Variants in BTBD9 observed in about 807,000 individuals in gnomAD.
BTBD9 encodes BTB domain containing 9.
BTBD9 carries 49 observed loss-of-function variants against 64.3 expected under a neutral mutation model. The observed-to-expected ratio is 0.76, with a 90% CI of 0.61 to 0.97. The LOEUF (loss-of-function observed/expected upper bound fraction) is 0.97. Ranked by LOEUF, BTBD9 falls within the 50% of genes least tolerant of loss-of-function variation. BTBD9 has a pLI of 0.00. For synonymous variants in BTBD9, 260 were observed against 274.7 expected, an observed-to-expected ratio of 0.95 and a Z score of 0.53; for missense variants, 598 against 762.1, an observed-to-expected ratio of 0.78 and a Z score of 2.53.
chr6:38,270,422 A>G (rs1480176010), intron 8 of BTBD9, among the ~76,000 whole-genome samples: 1 of 151,944 alleles, frequency 6.6e-6, no homozygotes, highest in East Asian at 1.9e-4. Context: ...ACAAGCCAGG[A>G]AAGAAATCAT....
chr6:38,219,261 A>G (rs1582068692), intron 9 of BTBD9, among the ~76,000 whole-genome samples: 1 of 148,436 alleles, frequency 6.7e-6, no homozygotes, highest in African/African-American at 2.5e-5. Context: ...CAGCCTCCTG[A>G]GTAGCTGGAA....
intron 7 of BTBD9, among the ~76,000 whole-genome samples, chr6:38,334,626 A>G (rs889516550): frequency 7.8e-6 from 1 of 128,522 alleles, no homozygotes; most frequent in African/African-American, 4.2e-5. Flanking sequence ...ATAACATAAC[A>G]TAAAATAAAT....
At chr6:38,452,167 C>G (rs1458348436) in intron 6 of BTBD9, among the ~76,000 whole-genome samples, 1 of 152,082 alleles carries the variant, frequency 6.6e-6, no homozygotes, top group Admixed American at 6.5e-5. Flanking sequence ...ATTTTACAAA[C>G]TGTGGTTAAT....
At chr6:38,275,184 T>A (rs1384581860) in intron 8 of BTBD9, among the ~76,000 whole-genome samples, 1 of 152,036 alleles carries the variant, frequency 6.6e-6, no homozygotes, top group Non-Finnish European at 1.5e-5. Flanking sequence ...AGCCCTCAGA[T>A]ATAACGCCAC....
At chr6:38,425,192 G>A (rs991160901) in intron 6 of BTBD9, among the ~76,000 whole-genome samples, 9 of 146,646 alleles carry the variant, frequency 6.1e-5, no homozygotes, top group East Asian at 2.1e-4. Flanking sequence ...AGCAACCTCC[G>A]CCTCCCAAGT....
At chr6:38,529,916 C>T (rs958937545) in intron 6 of BTBD9, among the ~76,000 whole-genome samples, 4 of 151,512 alleles carry the variant, frequency 2.6e-5, no homozygotes, top group South Asian at 2.1e-4. Context: ...TGACTGCCTG[C>T]GGGGTCAGGC....
intron 6 of BTBD9, among the ~76,000 whole-genome samples, chr6:38,355,461 C>G (rs1764689167): frequency 6.6e-6 from 1 of 152,068 alleles, no homozygotes; most frequent in Non-Finnish European, 1.5e-5. Context: ...TTTTACCATT[C>G]ATGACCTAGA....
At chr6:38,607,643 G>T (rs886885420) in intron 1 of BTBD9, among the ~76,000 whole-genome samples, 3 of 149,970 alleles carry the variant, frequency 2.0e-5, no homozygotes, top group African/African-American at 4.8e-5. Flanking sequence ...CATCTTTTGA[G>T]AAGTGTTCTT....
chr6:38,347,346 GATA>G (rs1439229004), intron 6 of BTBD9, among the ~76,000 whole-genome samples: 7 of 152,144 alleles, frequency 4.6e-5, no homozygotes, highest in Admixed American at 6.5e-5. Context: ...TGTAAATGAA[GATA>G]ATGTTATCTC....
At chr6:38,210,272 A>G (rs1279313774) in intron 9 of BTBD9, among the ~76,000 whole-genome samples, 1 of 151,882 alleles carries the variant, frequency 6.6e-6, no homozygotes, top group Non-Finnish European at 1.5e-5. Context: ...CGATAATAGC[A>G]CGAACATAAT....
chr6:38,493,156 C>T (rs1309709972), intron 6 of BTBD9, among the ~76,000 whole-genome samples: 3 of 152,142 alleles, frequency 2.0e-5, no homozygotes, highest in Non-Finnish European at 4.4e-5. Context: ...AAAAACGTTC[C>T]TTTCTCTGAA....
chr6:38,524,541 T>C (rs1332991548), intron 6 of BTBD9, among the ~76,000 whole-genome samples: 1 of 152,178 alleles, frequency 6.6e-6, no homozygotes. Context: ...TTGTCCCTTA[T>C]AGAACATGAT....
intron 9 of BTBD9, among the ~76,000 whole-genome samples, chr6:38,215,646 T>G (rs1762988599): frequency 6.6e-6 from 1 of 152,220 alleles, no homozygotes; most frequent in Non-Finnish European, 1.5e-5. Flanking sequence ...AAGTAGATTT[T>G]CCTAAAGTTA....
chr6:38,264,900 A>G lies in BTBD9; in HGVS notation c.1455-8384T>C, dbSNP rs539461654. ...GAGGCCTGCCTCTGAATGGGCCACG[A>G]CCTTTCAGGGCAAAGGGAACACCAG... is the stretch of plus-strand genomic sequence containing the variant. On this transcript the variant is annotated intron_variant, in intron 8 of 10. Transcript: ENST00000481247. Among the ~76,000 whole-genome samples the G allele has an allele frequency of 3.3e-5, 5 of 152,254 alleles. No homozygotes were observed. In the South Asian group the frequency reaches 1.0e-3, roughly 32 times the overall value.
intron 4 of BTBD9, among the ~76,000 whole-genome samples, chr6:38,584,334 A>T (rs1324569142): frequency 6.6e-6 from 1 of 152,224 alleles, no homozygotes; most frequent in Admixed American, 6.5e-5. Context: ...TCTTGAAAAA[A>T]CAAGGTGATA....
chr6:38,266,939 G>A (rs748595719), intron 8 of BTBD9, among the ~76,000 whole-genome samples: 10 of 152,176 alleles, frequency 6.6e-5, no homozygotes, highest in Admixed American at 2.0e-4. Flanking sequence ...CAGCTTTTAC[G>A]GATCTTCCCC....
At chr6:38,276,831 T>C (rs1159197521) in intron 8 of BTBD9, among the ~76,000 whole-genome samples, 2 of 152,176 alleles carry the variant, frequency 1.3e-5, no homozygotes, top group African/African-American at 4.8e-5. Context: ...CTCCAGATCT[T>C]AAAGACTGAA....
chr6:38,317,461 T>C (rs1420375760), intron 7 of BTBD9, among the ~76,000 whole-genome samples: 2 of 152,190 alleles, frequency 1.3e-5, no homozygotes, highest in Non-Finnish European at 2.9e-5. Flanking sequence ...AATTTGATTA[T>C]TAAATGCCTT....
At chr6:38,427,530 C>T (rs1388327580) in intron 6 of BTBD9, among the ~76,000 whole-genome samples, 1 of 151,878 alleles carries the variant, frequency 6.6e-6, no homozygotes, top group African/African-American at 2.4e-5. Context: ...AGAAAAGATG[C>T]CTCCCTAGAA....
Sources: allele counts gnomAD v4.1 joint callset (sites outside exome capture counted in the v4.1 genomes callset), GRCh38; gene constraint gnomAD v4.1.1; transcripts MANE v1.5; gene names NCBI Gene and HGNC (gene_info 2026-07-23, HGNC 2026-07-21).